Variants in ADD1 observed in about 807,000 individuals in gnomAD.
ADD1 encodes adducin 1.
ADD1 carries 24 observed loss-of-function variants against 80.5 expected under a neutral mutation model. The ratio of observed to expected loss-of-function variants is 0.30; its 90% CI spans 0.22 to 0.42. ADD1 has a LOEUF of 0.42. ADD1 is among the 10% of genes least tolerant of loss of function. ADD1 has a pLI of 1.00. For synonymous variants in ADD1, 373 were observed against 393.8 expected (o/e 0.95, Z 0.63); for missense variants, 948 against 1,019.0 (o/e 0.93, Z 0.95).
chr4:2,857,163 C>T (rs1379819595), intron 1 of ADD1, among the ~76,000 whole-genome samples: 1 of 151,946 alleles, frequency 6.6e-6, no homozygotes, highest in African/African-American at 2.4e-5. Flanking sequence ...CTGCCTGTCT[C>T]AGCCTCCCAA....
At chr4:2,893,011 G>A (rs1193493300) in intron 4 of ADD1, among the ~76,000 whole-genome samples, 4 of 152,094 alleles carry the variant, frequency 2.6e-5, no homozygotes, top group African/African-American at 7.2e-5. Context: ...TGCCTCCTGG[G>A]TTCCAAGTGA....
intron 3 of ADD1, 67 bp downstream of exon 3, chr4:2,882,127 A>C: frequency 7.0e-7 from 1 of 1,436,936 alleles, no homozygotes; most frequent in Non-Finnish European, 9.3e-7. Context: ...AAGATTGCTC[A>C]TGTGAAATAA....
intron 1 of ADD1, among the ~76,000 whole-genome samples, chr4:2,845,151 C>G (rs1444381088): frequency 6.6e-6 from 1 of 152,090 alleles, no homozygotes; most frequent in African/African-American, 2.4e-5. Context: ...CCAGTCACTG[C>G]AATCTCCGCC....
At chr4:2,857,798 G>T (rs1728295066) in intron 1 of ADD1, among the ~76,000 whole-genome samples, 1 of 152,182 alleles carries the variant, frequency 6.6e-6, no homozygotes, top group Non-Finnish European at 1.5e-5. Context: ...TGATACAGGG[G>T]AACTGACTCC....
rs189157513 is a variant in ADD1 at position 2,868,812 on chromosome 4, C to T, written c.-20-7084C>T. Among the ~76,000 whole-genome samples the T allele has an allele frequency of 5.9e-5, 9 of 152,252 alleles. 1 individual carries two copies. The East Asian group carries it at 1.7e-3, about 29-fold the overall frequency. ...GGTGGGAATGGTGTATGTTGACACA[C>T]AGGAGTCCAGGTGCCAGGCTTGGGG... On this transcript the variant is annotated intron_variant, in intron 1 of 15. Coordinates refer to ENST00000683351, the MANE Select transcript of ADD1 (RefSeq NM_001354761.2).
intron 4 of ADD1, chr4:2,887,474 A>G (rs1160153562): frequency 3.0e-5 from 4 of 132,046 alleles, no homozygotes; most frequent in African/African-American, 1.1e-4. Flanking sequence ...GGGGGACAAG[A>G]CGGGGTGGCC....
intron 2 of ADD1, among the ~76,000 whole-genome samples, chr4:2,880,538 G>T (rs910622205): frequency 5.6e-5 from 8 of 141,778 alleles, no homozygotes; most frequent in Non-Finnish European, 1.2e-4. Flanking sequence ...TGCAGTGGCG[G>T]GATCTCAGCT....
chr4:2,926,222 GCATCAGCGCCAGGACGTGA>G lies in ADD1; in HGVS notation c.2047+113_2047+131del. 1.0e-6 allele frequency: 1 copy of G among 968,214 alleles called. No homozygotes were observed. Among genetic ancestry groups the G allele is most frequent in the South Asian group, 1.3e-5 (1 of 74,504 alleles). 60.0% of individuals were successfully genotyped at this position (968,214 alleles called of 1,614,324 possible). A position where few individuals can be genotyped will look rare whatever the true frequency, so the allele number is the denominator to read the frequency against. On this transcript the variant is annotated intron_variant, in intron 15 of 15. Coordinates refer to ENST00000683351, the MANE Select transcript of ADD1 (RefSeq NM_001354761.2). The surrounding 1 kb of genome is among the most constrained non-coding windows in gnomAD (Gnocchi z 5.0). ...AACAGCAACACGGAAGTGTGTGCTT[GCATCAGCGCCAGGACGTGA>G]CACCTTTCTCCTCCTATATTGCTTC...
At chr4:2,860,990 C>G (rs1163229542) in intron 1 of ADD1, among the ~76,000 whole-genome samples, 2 of 152,252 alleles carry the variant, frequency 1.3e-5, no homozygotes, top group East Asian at 3.9e-4. Flanking sequence ...GGAGTGGGGA[C>G]TATTCTAAAT....
chr4:2,850,914 A>G (rs1482779613), intron 1 of ADD1, among the ~76,000 whole-genome samples: 4 of 152,236 alleles, frequency 2.6e-5, no homozygotes, highest in East Asian at 1.9e-4. Flanking sequence ...TTTGGGGTTG[A>G]CTGGGGCTCC....
rs895576470 is a variant in ADD1, at chr4:2,926,387, ACTC to A, written c.2047+279_2047+281del. 7 of 701,402 alleles carry A rather than the reference ACTC, an allele frequency of 1.0e-5. No homozygotes were observed. The African/African-American group carries it at 1.2e-4, about 12-fold the overall frequency. The allele number at this position is 701,402 out of a possible 1,614,324, so 43.4% of individuals were successfully genotyped here. ...TGTCCACGTTGCCCATTGCTCGCAC[ACTC>A]CTCGTGCCGTGTTGTCATGCAGATG... is the stretch of plus-strand genomic sequence containing the variant. On this transcript the variant is annotated intron_variant, in intron 15 of 15. Coordinates refer to ENST00000683351, the MANE Select transcript of ADD1 (RefSeq NM_001354761.2). The surrounding 1 kb of genome is among the most constrained non-coding windows in gnomAD (Gnocchi z 5.0).
intron 1 of ADD1, among the ~76,000 whole-genome samples, chr4:2,852,439 G>T (rs1294748728): frequency 6.8e-6 from 1 of 146,926 alleles, no homozygotes; most frequent in Non-Finnish European, 1.5e-5. Context: ...CGATTCTTGT[G>T]CCCCAGCGTA....
At chr4:2,875,170 A>C (rs535727110) in intron 1 of ADD1, among the ~76,000 whole-genome samples, 2 of 152,326 alleles carry the variant, frequency 1.3e-5, no homozygotes, top group Non-Finnish European at 2.9e-5. Flanking sequence ...TTGAGGTTGC[A>C]GTGAGCTGTG....
intron 4 of ADD1, among the ~76,000 whole-genome samples, chr4:2,893,270 A>G (rs983428783): frequency 2.0e-5 from 3 of 150,494 alleles, no homozygotes; most frequent in Non-Finnish European, 3.0e-5. Context: ...GTCAGTGCCT[A>G]CTGCAGCAAG....
Position 2,926,497 on chromosome 4 carries a change from G to C in ADD1, c.2047+385G>C. 1 of 842,002 alleles carries C rather than the reference G, an allele frequency of 1.2e-6. No individual in the cohort carries two copies. Among genetic ancestry groups the C allele is most frequent in the South Asian group, 1.5e-5 (1 of 66,922 alleles). The allele number at this position is 842,002 out of a possible 1,614,324, so 52.2% of individuals were successfully genotyped here. Reference sequence around the variant, plus strand: ...CCGTGTGTCTGTGGTGTGTGATCCCGGGTGTCTGTCCCTCGGTCTCGTACA... The same window carrying C: ...CCGTGTGTCTGTGGTGTGTGATCCCCGGTGTCTGTCCCTCGGTCTCGTACA... On this transcript the variant is annotated intron_variant, in intron 15 of 15. Coordinates refer to ENST00000683351, the MANE Select transcript of ADD1 (RefSeq NM_001354761.2). The surrounding 1 kb of genome is among the most constrained non-coding windows in gnomAD (Gnocchi z 5.0).
Position 2,904,891 on chromosome 4 carries a change from G to C in ADD1, c.1289G>C (p.Cys430Ser), listed in dbSNP as rs1736785536. ...GCTAGTGACGGTGATTCGGGCACTT[G>C]CTCCCCACTCAGACACAGTTTTCAG... ...SFASDGDSGT[C>S]SPLRHSFQKQ... The change falls in exon 10 of 16, where the codon TGC becomes TCC. Residue 430 changes from cysteine to serine, a missense_variant. Cys to Ser is a moderately radical substitution (Grantham distance 112). Transcript: ENST00000683351. 3 of 1,614,186 alleles carry C rather than the reference G, an allele frequency of 1.9e-6. No individual in the cohort carries two copies. The highest frequency in any genetic ancestry group is 2.5e-6 in the Non-Finnish European group (3 of 1,180,032).
rs372900844 is a variant in ADD1 at position 2,905,653 on chromosome 4, G to A, written c.1506+545G>A. 18 of 161,076 alleles carry A rather than the reference G, an allele frequency of 1.1e-4. No homozygotes were observed. The South Asian group carries it at 1.7e-3, about 15-fold the overall frequency. The allele number at this position is 161,076 out of a possible 1,614,324, so 10.0% of individuals were successfully genotyped here. Reference sequence around the variant, plus strand: ...CAAAGCCTCCGAATGCACACCCCCAGCTGCCCTCTGCATGGACTGTTGCAT... The same window carrying A: ...CAAAGCCTCCGAATGCACACCCCCAACTGCCCTCTGCATGGACTGTTGCAT... On this transcript the variant is annotated intron_variant, in intron 10 of 15. Coordinates refer to ENST00000683351, the MANE Select transcript of ADD1 (RefSeq NM_001354761.2).
Position 2,871,061 on chromosome 4 carries a change from C to T in ADD1, c.-20-4835C>T, listed in dbSNP as rs546699027. On this transcript the variant is annotated intron_variant, in intron 1 of 15. Transcript: ENST00000683351. Reference sequence around the variant, plus strand: ...TTGGCTCACTGCAATCTGTGCCTGCCGGGTTCATGCCATTCTCCTGTCTCA... The same window carrying T: ...TTGGCTCACTGCAATCTGTGCCTGCTGGGTTCATGCCATTCTCCTGTCTCA... Among the ~76,000 whole-genome samples the T allele has an allele frequency of 2.6e-5, 4 of 151,750 alleles. No individual in the cohort carries two copies. In the East Asian group the frequency reaches 5.8e-4, roughly 22 times the overall value.
In ADD1 at chr4:2,904,795, C is replaced by T. The variant is rs761612342; in HGVS notation, c.1193C>T (p.Pro398Leu). 6.2e-7 allele frequency: 1 copy of T among 1,614,056 alleles called. No individual in the cohort carries two copies. The highest frequency in any genetic ancestry group is 2.2e-5 in the East Asian group (1 of 44,898). Residue 398 changes from proline to leucine, a missense_variant, in exon 10 of 16, where the codon CCT (proline) becomes CTT (leucine). By Grantham distance (98) the Pro-to-Leu change is moderately conservative. Transcript: ENST00000683351. ...AGAACTGGCTACCCTTATCGATACC[C>T]TGCTCTGAGAGAGAAGTCTAAAAAA... ...GYRTGYPYRY[P>L]ALREKSKKYS...
Sources: gnomAD v4.1 joint callset for allele counts (sites outside exome capture counted in the v4.1 genomes callset) on GRCh38, gnomAD v4.1.1 for gene constraint, Gnocchi (gnomAD v3.1) non-coding constraint, MANE v1.5 for transcripts, NCBI Gene and HGNC (gene_info 2026-07-23, HGNC 2026-07-21) for gene names.